NEDD4L: variants seen among roughly 807,000 people sequenced by gnomAD.
NEDD4L encodes the protein E3 ubiquitin-protein ligase NEDD4-like.
A neutral mutation model predicts 148.9 loss-of-function variants in NEDD4L; 54 were observed. The ratio of observed to expected loss-of-function variants is 0.36; its 90% CI spans 0.29 to 0.45. The LOEUF is 0.45. NEDD4L is among the 20% of genes least tolerant of loss of function. The pLI is 1.00. For missense variants in NEDD4L, 856 were observed against 1,233.8 expected, an observed-to-expected ratio of 0.69 and a Z score of 4.59; for synonymous variants, 433 against 440.7, an observed-to-expected ratio of 0.98 and a Z score of 0.22.
intron 1 of NEDD4L, among the ~76,000 whole-genome samples, chr18:58,052,198 C>A (rs571429569): frequency 1.3e-5 from 2 of 152,322 alleles, no homozygotes; most frequent in South Asian, 4.1e-4. Flanking sequence ...ATAATTATCA[C>A]AACTACTGGT....
intron 30 of NEDD4L, among the ~76,000 whole-genome samples, chr18:58,395,375 C>T (rs1358340839): frequency 6.6e-6 from 1 of 152,114 alleles, no homozygotes; most frequent in East Asian, 1.9e-4. Flanking sequence ...GTATGCCGGG[C>T]CCACTGATCC....
At chr18:58,318,085 T>A (rs773459076) in intron 6 of NEDD4L, among the ~76,000 whole-genome samples, 37 of 152,220 alleles carry the variant, frequency 2.4e-4, no homozygotes, top group Non-Finnish European at 4.9e-4. Context: ...GAAATTACAG[T>A]GGCATTCTGT....
intron 20 of NEDD4L, among the ~76,000 whole-genome samples, chr18:58,365,539 C>T (rs2046002956): frequency 6.6e-6 from 1 of 152,194 alleles, no homozygotes; most frequent in Non-Finnish European, 1.5e-5. Context: ...ACAAAATGGA[C>T]TTGAGGCAGC....
chr18:58,254,640 G>C (rs530318476), intron 5 of NEDD4L, among the ~76,000 whole-genome samples: 9 of 149,910 alleles, frequency 6.0e-5, no homozygotes, highest in African/African-American at 2.0e-4. Flanking sequence ...TTTTTTGGTT[G>C]ATGTTTTCTT....
intron 14 of NEDD4L, 67 bp from the exon 15 acceptor site, chr18:58,341,611 C>T (rs185151059): frequency 7.5e-4 from 1,154 of 1,546,228 alleles, no homozygotes; most frequent in Non-Finnish European, 9.1e-4. Flanking sequence ...TGTTTGGGTT[C>T]GCGCTCCTAA....
intron 10 of NEDD4L, among the ~76,000 whole-genome samples, 187 bp downstream of exon 10, chr18:58,329,314 G>A (rs918057467): frequency 3.3e-5 from 5 of 152,164 alleles, no homozygotes; most frequent in Admixed American, 2.6e-4. Flanking sequence ...TATTTGACAA[G>A]TATAGGTGGC....
At chr18:58,182,728 C>T (rs2038999942) in intron 2 of NEDD4L, among the ~76,000 whole-genome samples, 1 of 152,096 alleles carries the variant, frequency 6.6e-6, no homozygotes, top group African/African-American at 2.4e-5. Flanking sequence ...GTGATCTACC[C>T]ACCTTGGCCT....
chr18:58,067,255 G>A (rs2082645331), intron 1 of NEDD4L, among the ~76,000 whole-genome samples: 1 of 152,130 alleles, frequency 6.6e-6, no homozygotes, highest in African/African-American at 2.4e-5. Context: ...CTGGATAAAA[G>A]TCCAAATTCA....
chr18:58,336,373 C>G (rs1470724503), intron 13 of NEDD4L, among the ~76,000 whole-genome samples: 1 of 151,954 alleles, frequency 6.6e-6, no homozygotes, highest in African/African-American at 2.4e-5. Context: ...GTCAGGAGAT[C>G]GAGACCATCC....
chr18:58,375,353 C>T (rs1282747323), intron 24 of NEDD4L, among the ~76,000 whole-genome samples: 1 of 152,164 alleles, frequency 6.6e-6, no homozygotes, highest in East Asian at 1.9e-4. Flanking sequence ...TTCTCCAGTG[C>T]CCGCCTAGCT....
In NEDD4L at chr18:58,262,245, G is replaced by A. The variant is rs1400513530; in HGVS notation, c.297+10191G>A. On this transcript the variant is annotated intron_variant, in intron 5 of 30. Coordinates refer to ENST00000400345, the MANE Select transcript of NEDD4L (RefSeq NM_001144967.3). ...GTCTATACATTTCTGGGCAGGTGGA[G>A]ATTATTGAAAGATTTTTAGAAATAA... 3.3e-5 allele frequency among the ~76,000 whole-genome samples: 5 copies of A among 152,336 alleles called. No homozygotes were observed. In the East Asian group the frequency reaches 9.6e-4, roughly 29 times the overall value.
intron 2 of NEDD4L, among the ~76,000 whole-genome samples, chr18:58,201,083 A>G (rs1161706985): frequency 6.6e-5 from 10 of 152,236 alleles, no homozygotes; most frequent in Non-Finnish European, 1.5e-5. Flanking sequence ...CTGTAATCCC[A>G]GCACTTTGGG....
intron 1 of NEDD4L, among the ~76,000 whole-genome samples, chr18:58,062,410 T>C (rs2082372516): frequency 6.6e-6 from 1 of 152,170 alleles, no homozygotes; most frequent in Admixed American, 6.5e-5. Flanking sequence ...TGGAATCTGA[T>C]CATGGAGTTT....
intron 5 of NEDD4L, among the ~76,000 whole-genome samples, chr18:58,302,622 C>T (rs2056624796): frequency 6.6e-6 from 1 of 152,246 alleles, no homozygotes; most frequent in Admixed American, 6.5e-5. Flanking sequence ...AAAATATTGA[C>T]AGTAGCTTAA....
intron 2 of NEDD4L, among the ~76,000 whole-genome samples, chr18:58,232,185 A>G (rs1262541752): frequency 6.6e-6 from 1 of 152,204 alleles, no homozygotes; most frequent in African/African-American, 2.4e-5. Context: ...CAGGGTGTGT[A>G]GGAACAACAC....
chr18:58,325,907 A>C (rs937246541), intron 9 of NEDD4L, among the ~76,000 whole-genome samples: 2 of 152,222 alleles, frequency 1.3e-5, no homozygotes, highest in Admixed American at 6.5e-5. Flanking sequence ...GGCAAAAAGA[A>C]AGTCTTAAGG....
At chr18:58,359,280 T>A (rs2045152700) in intron 19 of NEDD4L, among the ~76,000 whole-genome samples, 2 of 152,234 alleles carry the variant, frequency 1.3e-5, no homozygotes, top group African/African-American at 4.8e-5. Flanking sequence ...TTTGTTCAAT[T>A]GATAGAGTAC....
intron 2 of NEDD4L, among the ~76,000 whole-genome samples, chr18:58,180,683 A>G (rs2146965266): frequency 1.3e-5 from 2 of 152,342 alleles, no homozygotes; most frequent in Non-Finnish European, 2.9e-5. Flanking sequence ...GGTTTAGGAC[A>G]TTCTTTAAAA....
intron 1 of NEDD4L, among the ~76,000 whole-genome samples, chr18:58,050,827 C>A (rs1568142820): frequency 6.6e-6 from 1 of 152,288 alleles, no homozygotes; most frequent in East Asian, 1.9e-4. Context: ...TGGTGATCCT[C>A]AGATGACTGT....
Sources: gnomAD v4.1 joint callset for allele counts (sites outside exome capture counted in the v4.1 genomes callset) on GRCh38, gnomAD v4.1.1 for gene constraint, MANE v1.5 for transcripts, NCBI Gene and HGNC (gene_info 2026-07-23, HGNC 2026-07-21) for gene names.